HSPA4: variants seen among roughly 807,000 people sequenced by gnomAD.
The protein encoded by HSPA4 is heat shock 70 kDa protein 4.
Under a neutral mutation model 106.2 loss-of-function variants are expected in HSPA4, and 25 were observed. The ratio of observed to expected loss-of-function variants is 0.24; its 90% CI spans 0.17 to 0.33. The LOEUF (loss-of-function observed/expected upper bound fraction) is 0.33, where lower values mean the gene tolerates loss of function less well. HSPA4 is among the 10% of genes least tolerant of loss of function. The probability of loss-of-function intolerance (pLI) is 1.00; values close to 1 mark genes in which losing one functional copy is unlikely to be tolerated. For synonymous variants in HSPA4, 332 were observed against 333.6 expected, an observed-to-expected ratio of 1.00 and a Z score of 0.05; for missense variants, 841 against 996.0, an observed-to-expected ratio of 0.84 and a Z score of 2.10.
Position 133,052,099 on chromosome 5 carries a change from C to A in HSPA4, c.-152C>A, listed in dbSNP as rs779508684. 2 of 597,032 alleles carry A rather than the reference C, an allele frequency of 3.3e-6. No individual in the cohort carries two copies. Among genetic ancestry groups the A allele is most frequent in the Non-Finnish European group, 5.9e-6 (2 of 337,352 alleles). 37.0% of individuals were successfully genotyped at this position (597,032 alleles called of 1,614,324 possible). On this transcript the variant is annotated 5_prime_UTR_variant, in exon 1 of 19. Transcript: ENST00000304858. Reference sequence around the variant, plus strand: ...GAGCAGCGCTCTCGGTTGCAGTACCCACTGGAAGGACTTAGGCGCTCGCGT... The same window carrying A: ...GAGCAGCGCTCTCGGTTGCAGTACCAACTGGAAGGACTTAGGCGCTCGCGT...
intron 11 of HSPA4, among the ~76,000 whole-genome samples, chr5:133,090,010 G>A (rs1765625325): frequency 2.0e-5 from 3 of 152,170 alleles, no homozygotes; most frequent in Admixed American, 1.3e-4. Context: ...TATTTAATTG[G>A]ATCTCCCATT....
intron 5 of HSPA4, 88 bp from the exon 6 acceptor site, chr5:133,073,905 C>T (rs1163400473): frequency 5.0e-6 from 4 of 795,118 alleles, no homozygotes; most frequent in South Asian, 2.4e-5. Context: ...TAGTTGCATT[C>T]GTTATATATA....
At chr5:133,060,869 GA>G (rs1765233349) in intron 1 of HSPA4, among the ~76,000 whole-genome samples, 1 of 148,116 alleles carries the variant, frequency 6.8e-6, no homozygotes, top group African/African-American at 2.5e-5. Flanking sequence ...ACTCAGGGTG[GA>G]GTGTAGTGGC....
At chr5:133,073,957 A>G (rs947847501) in intron 5 of HSPA4, 36 bp from the exon 6 acceptor site, 2 of 1,453,274 alleles carry the variant, frequency 1.4e-6, no homozygotes. Flanking sequence ...ATTTACTTAG[A>G]CGTTATTTTT....
chr5:133,088,509 C>A lies in HSPA4; in HGVS notation c.1091C>A (p.Thr364Lys). ...AAATTTTTCGGTAAAGAACTTAGTA[C>A]AACATTAAATGCTGATGAAGCTGTC... ...ISKFFGKELS[T>K]TLNADEAVTR... The change falls in exon 9 of 19, where the codon ACA becomes AAA. Residue 364 changes from threonine to lysine, a missense_variant. By Grantham distance (78) the Thr-to-Lys change is moderately conservative. This residue lies in a region of HSPA4 where 162 missense variants were observed against 177.7 expected (regional missense o/e 0.91). Transcript: ENST00000304858. The A allele has an allele frequency of 6.2e-7, 1 of 1,613,828 alleles. No individual in the cohort carries two copies. Among genetic ancestry groups the A allele is most frequent in the Non-Finnish European group, 8.5e-7 (1 of 1,179,762 alleles).
At chr5:133,088,136 C>G (rs966671653) in intron 8 of HSPA4, among the ~76,000 whole-genome samples, 5 of 152,112 alleles carry the variant, frequency 3.3e-5, no homozygotes, top group African/African-American at 1.2e-4. Context: ...AAATTCAGGA[C>G]CTGTACACTG....
intron 1 of HSPA4, among the ~76,000 whole-genome samples, chr5:133,060,252 G>A (rs1039522074): frequency 2.0e-5 from 3 of 151,866 alleles, no homozygotes; most frequent in Admixed American, 2.0e-4. Context: ...ATTGACCTAT[G>A]TTCTAGTGCT....
At chr5:133,089,717 A>T (rs968644469) in intron 11 of HSPA4, 22 bp downstream of exon 11, 2 of 1,477,032 alleles carry the variant, frequency 1.4e-6, no homozygotes, top group East Asian at 2.5e-5. Flanking sequence ...GTTGGAAATT[A>T]AAAAAGAAAA....
chr5:133,061,526 A>G (rs566911296), intron 1 of HSPA4, among the ~76,000 whole-genome samples: 28 of 152,268 alleles, frequency 1.8e-4, no homozygotes, highest in African/African-American at 6.5e-4. Context: ...TTAGCAAGGG[A>G]AATAAATGTG....
chr5:133,083,334 C>T (rs767844595), intron 7 of HSPA4, among the ~76,000 whole-genome samples: 39 of 151,894 alleles, frequency 2.6e-4, no homozygotes, highest in Non-Finnish European at 4.7e-4. Flanking sequence ...AAACCCCTAC[C>T]GCTGTTGCCA....
At chr5:133,101,940 T>G (rs1288827653) in intron 17 of HSPA4, 62 bp downstream of exon 17, 13 of 1,303,084 alleles carry the variant, frequency 1.0e-5, no homozygotes, top group Non-Finnish European at 1.2e-5. Context: ...TTTTTTTTTT[T>G]TTTTGAGACG....
In HSPA4 at chr5:133,089,548, T is replaced by C. The variant is rs1765618427; in HGVS notation, c.1245-14T>C. 6.2e-7 allele frequency: 1 copy of C among 1,611,726 alleles called. No individual in the cohort carries two copies. The highest frequency in any genetic ancestry group is 1.3e-5 in the African/African-American group (1 of 74,800). ...TATCCTGAATTTGTGTTTTTGTCTT[T>C]TTCCTCCATTCAGTGACTGTGAAGT... On this transcript the variant is annotated splice_polypyrimidine_tract_variant and intron_variant, in intron 10 of 18. Transcript: ENST00000304858.
At chr5:133,095,037 C>T (rs1048066237) in intron 13 of HSPA4, among the ~76,000 whole-genome samples, 32 of 152,114 alleles carry the variant, frequency 2.1e-4, no homozygotes, top group Admixed American at 1.3e-4. Context: ...CTAGAAGAGT[C>T]GCTGTGGCTC....
intron 3 of HSPA4, among the ~76,000 whole-genome samples, chr5:133,068,309 C>A (rs1765337177): frequency 6.6e-6 from 1 of 151,940 alleles, no homozygotes; most frequent in African/African-American, 2.4e-5. Flanking sequence ...TCTGGTACAT[C>A]TAGTGGAGTC....
At chr5:133,062,619 A>G (rs1765258076) in intron 1 of HSPA4, among the ~76,000 whole-genome samples, 1 of 152,032 alleles carries the variant, frequency 6.6e-6, no homozygotes, top group Admixed American at 6.6e-5. Flanking sequence ...TATTTGTTTT[A>G]GTGATTGGTG....
intron 1 of HSPA4, among the ~76,000 whole-genome samples, chr5:133,057,738 G>A (rs1765185971): frequency 6.6e-6 from 1 of 152,132 alleles, no homozygotes; most frequent in Admixed American, 6.6e-5. Flanking sequence ...AATTAACTCC[G>A]TGCAATTTGG....
At chr5:133,079,360 A>G (rs1162093050) in intron 7 of HSPA4, among the ~76,000 whole-genome samples, 1 of 152,120 alleles carries the variant, frequency 6.6e-6, no homozygotes, top group Admixed American at 6.5e-5. Context: ...GGATTTATCT[A>G]TTCTGGATAT....
intron 1 of HSPA4, among the ~76,000 whole-genome samples, chr5:133,054,295 T>C (rs1335880966): frequency 1.3e-5 from 2 of 151,854 alleles, no homozygotes; most frequent in Non-Finnish European, 2.9e-5. Flanking sequence ...CTCCGCCTCC[T>C]GGGTTCAAGC....
chr5:133,065,423 T>C (rs1765295125), intron 2 of HSPA4, among the ~76,000 whole-genome samples: 1 of 152,236 alleles, frequency 6.6e-6, no homozygotes, highest in African/African-American at 2.4e-5. Flanking sequence ...TGTCATTTTG[T>C]CTAAGGGACT....
Sources: allele counts gnomAD v4.1 joint callset (sites outside exome capture counted in the v4.1 genomes callset), GRCh38; gene constraint gnomAD v4.1.1; regional missense constraint gnomAD v4.1.1; transcripts MANE v1.5; gene names NCBI Gene and HGNC (gene_info 2026-07-23, HGNC 2026-07-21).